The following HDAC9 variants were observed in gnomAD, a reference collection of about 807,000 sequenced individuals.
HDAC9 encodes the protein MEF-2 interacting transcription repressor (MITR) protein.
A neutral mutation model predicts 139.4 loss-of-function variants in HDAC9; 41 were observed. That is an observed-to-expected ratio of 0.29 (90% confidence interval 0.23 to 0.38). The LOEUF (loss-of-function observed/expected upper bound fraction) is 0.38. Ranked by LOEUF, HDAC9 falls within the 10% of genes least tolerant of loss-of-function variation. The probability of loss-of-function intolerance (pLI) is 1.00; values close to 1 mark genes in which losing one functional copy is unlikely to be tolerated. For synonymous variants in HDAC9, 517 were observed against 476.2 expected, an observed-to-expected ratio of 1.09 and a Z score of -1.12; for missense variants, 1,147 against 1,297.0, an observed-to-expected ratio of 0.88 and a Z score of 1.78.
intron 1 of HDAC9, among the ~76,000 whole-genome samples, chr7:18,482,876 G>A (rs551356426): frequency 6.6e-6 from 1 of 152,126 alleles, no homozygotes; most frequent in African/African-American, 2.4e-5. Context: ...GCCATTGGAA[G>A]AACTAACACT....
At chr7:18,835,402 G>C (rs904964771) in intron 19 of HDAC9, 65 bp from the exon 20 acceptor site, 81 of 1,503,994 alleles carry the variant, frequency 5.4e-5, no homozygotes, top group Non-Finnish European at 7.0e-5. Flanking sequence ...CTAGAAATCA[G>C]AAAGGTTGTC....
At chr7:18,749,792 A>G (rs1178329761) in intron 14 of HDAC9, among the ~76,000 whole-genome samples, 1 of 152,216 alleles carries the variant, frequency 6.6e-6, no homozygotes, top group Admixed American at 6.5e-5. Context: ...TGTAACAACC[A>G]GCTGCTATTC....
chr7:18,208,515 A>G (rs994500568), intron 2 of HDAC9, among the ~76,000 whole-genome samples: 2 of 151,850 alleles, frequency 1.3e-5, no homozygotes, highest in African/African-American at 2.4e-5. Flanking sequence ...AGCTAGGACT[A>G]CAGGTTCGCA....
intron 2 of HDAC9, 79 bp from the exon 3 acceptor site, chr7:18,585,202 T>A (rs1829084614): frequency 3.3e-6 from 5 of 1,504,996 alleles, no homozygotes; most frequent in Admixed American, 1.9e-5. Flanking sequence ...ACTTTTTATT[T>A]GTTTCCAAAT....
intron 1 of HDAC9, among the ~76,000 whole-genome samples, chr7:18,414,643 T>C (rs1037502247): frequency 5.3e-5 from 8 of 152,186 alleles, no homozygotes; most frequent in African/African-American, 1.7e-4. Flanking sequence ...CAAGTTACAT[T>C]GCCTGTTCTT....
chr7:18,573,606 G>A (rs540670331), intron 2 of HDAC9, among the ~76,000 whole-genome samples: 1 of 152,324 alleles, frequency 6.6e-6, no homozygotes, highest in African/African-American at 2.4e-5. Context: ...GGTGAGGGGT[G>A]TGTGTGTGAT....
intron 13 of HDAC9, among the ~76,000 whole-genome samples, chr7:18,729,972 C>T (rs1348213380): frequency 5.9e-5 from 9 of 152,154 alleles, no homozygotes; most frequent in Non-Finnish European, 1.5e-5. Flanking sequence ...ACTATTGTTC[C>T]GCTAAAGGAT....
At chr7:18,934,839 G>A (rs1781512059) in intron 22 of HDAC9, among the ~76,000 whole-genome samples, 2 of 152,124 alleles carry the variant, frequency 1.3e-5, no homozygotes, top group Admixed American at 6.5e-5. Flanking sequence ...GAAGACCCGT[G>A]TAAGAATGTT....
At position 18,935,854 on chromosome 7, in the gene HDAC9, G is replaced by A. The variant is rs916051816; in HGVS notation, c.2849G>A (p.Arg950His). 49 of 1,613,476 alleles carry A rather than the reference G, an allele frequency of 3.0e-5. No individual in the cohort carries two copies. Among genetic ancestry groups the A allele is most frequent in the African/African-American group, 4.0e-5 (3 of 74,894 alleles). The stretch of plus-strand genomic sequence containing the variant: ...CAATTGATGACATTGGCTGATGGAC[G>A]TGTGGTGTTGGCTCTAGAAGGAGGA... ...TKQLMTLADG[R>H]VVLALEGGHD... is the part of the protein sequence containing the mutation. The change falls in exon 23 of 26, where the codon CGT becomes CAT. Residue 950 changes from arginine (R) to histidine (H), a missense_variant. Coordinates refer to ENST00000686413, the MANE Select transcript of HDAC9 (RefSeq NM_178425.4).
At chr7:18,968,264 G>A (rs1688434968) in intron 24 of HDAC9, among the ~76,000 whole-genome samples, 1 of 152,154 alleles carries the variant, frequency 6.6e-6, no homozygotes, top group African/African-American at 2.4e-5. Flanking sequence ...AACATCTATA[G>A]TAATATTGAA....
chr7:18,497,177 A>G (rs1797163552), intron 2 of HDAC9, among the ~76,000 whole-genome samples: 1 of 152,114 alleles, frequency 6.6e-6, no homozygotes, highest in South Asian at 2.1e-4. Context: ...GCTATTTCCT[A>G]AAGCTTTGGG....
chr7:18,192,608 G>A (rs1790433217), intron 2 of HDAC9, among the ~76,000 whole-genome samples: 1 of 152,180 alleles, frequency 6.6e-6, no homozygotes, highest in Non-Finnish European at 1.5e-5. Context: ...TAAGGATATA[G>A]TATTTGGGGA....
At chr7:18,701,411 A>AAC (rs1783471227) in intron 12 of HDAC9, among the ~76,000 whole-genome samples, 3 of 134,856 alleles carry the variant, frequency 2.2e-5, no homozygotes, top group African/African-American at 1.0e-4. Flanking sequence ...AAAAAACAAA[A>AAC]CAAACAAAAA....
intron 12 of HDAC9, among the ~76,000 whole-genome samples, chr7:18,676,772 A>G (rs1330406358): frequency 1.3e-5 from 2 of 151,932 alleles, no homozygotes; most frequent in African/African-American, 4.8e-5. Flanking sequence ...TTATATGTTT[A>G]CAGTGGTTAG....
chr7:18,496,108 C>T lies in HDAC9; in HGVS notation c.-42+85C>T, dbSNP rs76146065. Reference sequence around the variant, plus strand: ...AAGGAAATCATTGTCGAAGTTGATCCTCTGCTGCTTCTCCTCAGGGAGGAG... The same window carrying T: ...AAGGAAATCATTGTCGAAGTTGATCTTCTGCTGCTTCTCCTCAGGGAGGAG... On this transcript the variant is annotated intron_variant, in intron 1 of 25. Transcript: ENST00000686413. The T allele has an allele frequency of 5.3e-3, 7,398 of 1,401,640 alleles. 53 individuals carry two copies. Among genetic ancestry groups the T allele is most frequent in the Non-Finnish European group, 5.0e-3 (5,222 of 1,044,698 alleles). 86.8% of individuals were successfully genotyped at this position (1,401,640 alleles called of 1,614,324 possible). A position where few individuals can be genotyped will look rare whatever the true frequency, so the allele number is the denominator to read the frequency against.
intron 1 of HDAC9, among the ~76,000 whole-genome samples, chr7:18,422,744 G>GCGCACACACACA (rs1426974833): frequency 4.2e-4 from 11 of 26,336 alleles, no homozygotes; most frequent in African/African-American, 6.4e-4. Flanking sequence ...ACACACACGC[G>GCGCACACACACA]CACACACACA....
At chr7:18,856,872 T>C (rs1278594167) in intron 21 of HDAC9, among the ~76,000 whole-genome samples, 1 of 152,176 alleles carries the variant, frequency 6.6e-6, no homozygotes, top group Non-Finnish European at 1.5e-5. Context: ...TGTCTTTCCC[T>C]GAAGCATAGG....
intron 1 of HDAC9, among the ~76,000 whole-genome samples, chr7:18,344,742 G>A (rs1782271944): frequency 6.6e-6 from 1 of 151,864 alleles, no homozygotes; most frequent in African/African-American, 2.4e-5. Context: ...TTATTCCAAG[G>A]GCACAGATTT....
intron 1 of HDAC9, among the ~76,000 whole-genome samples, chr7:18,299,050 A>G (rs1335965474): frequency 6.6e-6 from 1 of 152,170 alleles, no homozygotes; most frequent in East Asian, 1.9e-4. Context: ...AGATATTTAT[A>G]TAATAAAAAT....
Sources: allele counts gnomAD v4.1 joint callset (sites outside exome capture counted in the v4.1 genomes callset), GRCh38; gene constraint gnomAD v4.1.1; transcripts MANE v1.5; gene names NCBI Gene and HGNC (gene_info 2026-07-23, HGNC 2026-07-21).